The following DEAF1 variants were observed in gnomAD, a reference collection of about 807,000 sequenced individuals.
The protein encoded by DEAF1 is DEAF1 transcription factor.
Under a neutral mutation model 58.9 loss-of-function variants are expected in DEAF1, and 53 were observed. That is an observed-to-expected ratio of 0.90 (90% CI 0.72 to 1.13). DEAF1 has a LOEUF of 1.13. Among genes scored for constraint, DEAF1 ranks in the 50% most tolerant of loss-of-function variants. DEAF1 has a pLI of 0.00. For synonymous variants in DEAF1, 385 were observed against 340.4 expected, an observed-to-expected ratio of 1.13 and a Z score of -1.44; for missense variants, 685 against 791.4, an observed-to-expected ratio of 0.87 and a Z score of 1.61.
intron 6 of DEAF1, among the ~76,000 whole-genome samples, chr11:681,378 T>C (rs1328274456): frequency 7.1e-6 from 1 of 141,244 alleles, no homozygotes; most frequent in Non-Finnish European, 1.5e-5. Context: ...ATTACAGGCA[T>C]GTGTCACCAC....
chr11:701,943 G>A (rs746926371), intron 1 of DEAF1, among the ~76,000 whole-genome samples: 11 of 152,282 alleles, frequency 7.2e-5, no homozygotes, highest in East Asian at 1.9e-4. Flanking sequence ...AGCCCTCTGC[G>A]TGCTCATGGT....
chr11:691,399 G>A (rs997165201), intron 2 of DEAF1, 102 bp downstream of exon 2: 5 of 1,063,174 alleles, frequency 4.7e-6, no homozygotes, highest in Non-Finnish European at 5.6e-6. Flanking sequence ...TCACAGAGCA[G>A]ACGTTCACAC....
rs1021561019 is a variant in DEAF1, at chr11:644,481, G to A, written c.*69C>T. The stretch of plus-strand genomic sequence containing the variant: ...CAACGTCCCCCCAGAGTCCTCAGGG[G>A]GGCCTTCGACCTGCAAAAGCCTCAC... On this transcript the variant is annotated 3_prime_UTR_variant, in exon 12 of 12. Coordinates refer to ENST00000382409, the MANE Select transcript of DEAF1 (RefSeq NM_021008.4). The surrounding 1 kb of genome is among the most constrained non-coding windows in gnomAD (Gnocchi z 4.3). 7 of 1,218,188 alleles carry A rather than the reference G, an allele frequency of 5.7e-6. No individual in the cohort carries two copies. The highest frequency in any genetic ancestry group is 8.3e-6 in the Non-Finnish European group (7 of 840,772). The allele number at this position is 1,218,188 out of a possible 1,614,324, so 75.5% of individuals were successfully genotyped here.
At chr11:682,337 C>T (rs1401172904) in intron 6 of DEAF1, among the ~76,000 whole-genome samples, 3 of 152,192 alleles carry the variant, frequency 2.0e-5, no homozygotes, top group African/African-American at 4.8e-5. Context: ...TCTTGAAGGT[C>T]GGTTTCCCAG....
intron 1 of DEAF1, among the ~76,000 whole-genome samples, chr11:691,995 G>A (rs1453937408): frequency 6.6e-6 from 1 of 152,102 alleles, no homozygotes; most frequent in Non-Finnish European, 1.5e-5. Flanking sequence ...CCGCAGGTGA[G>A]GACACCTCCT....
intron 10 of DEAF1, among the ~76,000 whole-genome samples, chr11:669,077 G>A (rs1366844252): frequency 2.0e-5 from 3 of 150,622 alleles, no homozygotes; most frequent in Non-Finnish European, 2.9e-5. Flanking sequence ...TGCCCGCCTC[G>A]GCCTCCCAAA....
chr11:703,944 G>A lies in DEAF1; in HGVS notation c.-438+2628C>T, dbSNP rs914455912. On this transcript the variant is annotated intron_variant, in intron 1 of 11. Transcript: ENST00000683307. ...GGAGTGCTAAACAAATTCTAGCTCT[G>A]TGTTTTTTTCCCATTCCCAGATTTA... 4 of 1,243,090 alleles carry A rather than the reference G, an allele frequency of 3.2e-6. No homozygotes were observed. The African/African-American group carries it at 6.2e-5, about 19-fold the overall frequency. 77.0% of individuals were successfully genotyped at this position (1,243,090 alleles called of 1,614,324 possible).
chr11:698,815 G>A (rs1411754062), upstream of DEAF1: 111 of 1,611,460 alleles, frequency 6.9e-5, no homozygotes, highest in Non-Finnish European at 2.9e-5. Flanking sequence ...AGCGAGACCC[G>A]GGAAAGCATC....
chr11:648,484 C>T (rs533537831), intron 11 of DEAF1, among the ~76,000 whole-genome samples: 4 of 152,266 alleles, frequency 2.6e-5, no homozygotes, highest in South Asian at 2.1e-4. Context: ...CGTGAGCCAC[C>T]GTGCCCAGCT....
intron 2 of DEAF1, among the ~76,000 whole-genome samples, chr11:690,524 C>T (rs185295039): frequency 6.6e-6 from 1 of 151,704 alleles, no homozygotes; most frequent in East Asian, 2.0e-4. Context: ...GAGGTCAAGG[C>T]GGGCACCTGA....
upstream of DEAF1, chr11:700,180 C>T (rs141889473): frequency 2.8e-4 from 460 of 1,614,130 alleles, 1 homozygote; most frequent in African/African-American, 4.2e-3. Context: ...TTTATCTCAG[C>T]GGAACGTACT....
chr11:685,072 T>C (rs1860531502), intron 5 of DEAF1, 109 bp from the exon 6 acceptor site: 5 of 630,784 alleles, frequency 7.9e-6, no homozygotes, highest in African/African-American at 2.0e-5. Flanking sequence ...CATTCATAAA[T>C]ATAAAAATTC....
chr11:656,238 C>A (rs1467877596), intron 10 of DEAF1, among the ~76,000 whole-genome samples: 1 of 152,072 alleles, frequency 6.6e-6, no homozygotes, highest in Non-Finnish European at 1.5e-5. Flanking sequence ...TCATTGCAAC[C>A]ACCACCTTCC....
intron 11 of DEAF1, among the ~76,000 whole-genome samples, chr11:647,823 G>A (rs183404352): frequency 4.6e-5 from 7 of 150,760 alleles, no homozygotes; most frequent in African/African-American, 1.7e-4. Flanking sequence ...GGAGCAGGTG[G>A]GTGGACTTGA....
intron 4 of DEAF1, 82 bp from the exon 5 acceptor site, chr11:687,079 C>T: frequency 6.3e-7 from 1 of 1,594,626 alleles, no homozygotes. Flanking sequence ...GCCTCCTCAA[C>T]CCCTCCACCA....
chr11:703,417 C>T (rs573231658), intron 1 of DEAF1: 4 of 1,316,902 alleles, frequency 3.0e-6, no homozygotes, highest in South Asian at 4.9e-5. Flanking sequence ...GGAGCGCACA[C>T]TCAGCCCTGT....
chr11:677,737 G>A (rs28437775), intron 9 of DEAF1, among the ~76,000 whole-genome samples: 1,156 of 62,956 alleles, frequency 0.018, 67 homozygotes, highest in Middle Eastern at 0.033. Context: ...GGTGGATCAT[G>A]AGGTCAGGAG....
At chr11:665,530 T>C (rs1859487833) in intron 10 of DEAF1, among the ~76,000 whole-genome samples, 1 of 152,194 alleles carries the variant, frequency 6.6e-6, no homozygotes, top group African/African-American at 2.4e-5. Context: ...CTTTCTAACG[T>C]TTTAAAAGGC....
intron 10 of DEAF1, among the ~76,000 whole-genome samples, chr11:668,080 C>A (rs1859637907): frequency 6.6e-6 from 1 of 152,120 alleles, no homozygotes; most frequent in South Asian, 2.1e-4. Context: ...CCACTGCACT[C>A]CAGCCTGGAA....
Sources: gnomAD v4.1 joint callset for allele counts (sites outside exome capture counted in the v4.1 genomes callset) on GRCh38, gnomAD v4.1.1 for gene constraint, Gnocchi (gnomAD v3.1) non-coding constraint, MANE v1.5 for transcripts, NCBI Gene and HGNC (gene_info 2026-07-23, HGNC 2026-07-21) for gene names.